KLHL13: variants seen among roughly 807,000 people sequenced by gnomAD.
KLHL13 encodes kelch-like protein 13.
Under a neutral mutation model 37.1 loss-of-function variants are expected in KLHL13, and 10 were observed. The ratio of observed to expected loss-of-function variants is 0.27; its 90% confidence interval spans 0.17 to 0.46. KLHL13 has a LOEUF of 0.46. KLHL13 is among the 20% of genes least tolerant of loss of function. KLHL13 has a pLI of 1.00. For synonymous variants in KLHL13, 163 were observed against 181.2 expected, an observed-to-expected ratio of 0.90 and a Z score of 0.81; for missense variants, 360 against 509.3, an observed-to-expected ratio of 0.71 and a Z score of 2.82.
At chrX:117,900,710 AC>A (rs1356798485) in intron 6 of KLHL13, among the ~76,000 whole-genome samples, 1 of 111,261 alleles carries the variant, frequency 9.0e-6, no homozygotes, top group Non-Finnish European at 1.9e-5. Context: ...GTGCCTTTAC[AC>A]CCTTGGTCTC....
intron 1 of KLHL13, among the ~76,000 whole-genome samples, chrX:118,090,226 T>C (rs2148148474): frequency 1.8e-5 from 2 of 111,067 alleles, no homozygotes; most frequent in East Asian, 5.6e-4. Context: ...GACATAGGCA[T>C]GGGCGAGGAC....
intron 1 of KLHL13, among the ~76,000 whole-genome samples, chrX:118,095,329 A>G (rs1363966875): frequency 3.6e-5 from 4 of 111,449 alleles, no homozygotes; most frequent in African/African-American, 9.8e-5. Flanking sequence ...TCAATTCAAC[A>G]AGAAGAGCTA....
chrX:117,899,634 A>G (rs1929963473), intron 6 of KLHL13, among the ~76,000 whole-genome samples: 1 of 112,225 alleles, frequency 8.9e-6, no homozygotes, highest in South Asian at 3.7e-4. Context: ...ACATTATTGC[A>G]ATGACTTTCT....
chrX:118,032,141 C>T (rs1319907134), intron 1 of KLHL13, among the ~76,000 whole-genome samples: 6 of 111,406 alleles, frequency 5.4e-5, no homozygotes, highest in Admixed American at 9.5e-5. Flanking sequence ...GATCAAACAA[C>T]AAGGCGGCAG....
intron 2 of KLHL13, among the ~76,000 whole-genome samples, chrX:117,922,049 C>T (rs965726158): frequency 9.0e-6 from 1 of 111,536 alleles, no homozygotes; most frequent in Non-Finnish European, 1.9e-5. Flanking sequence ...TTTTTATTTT[C>T]CATTACTAAT....
At chrX:118,015,031 T>C (rs1033273923) in intron 1 of KLHL13, among the ~76,000 whole-genome samples, 5 of 112,085 alleles carry the variant, frequency 4.5e-5, no homozygotes, top group African/African-American at 6.5e-5. Context: ...ATTACAAACA[T>C]TTTATTTAAT....
At position 118,083,628 on chromosome X, in the gene KLHL13, TTAGA is replaced by T. The variant is rs67561517; in HGVS notation, c.-56+32876_-56+32879del. ...GAGGTTGCTCAACAAAAAGTTACAG[TTAGA>T]TAGGAGGAATAAGTTCTGGTGTTCT... On this transcript the variant is annotated intron_variant, in intron 1 of 6. Transcript: ENST00000371882. Among the ~76,000 whole-genome samples the T allele has an allele frequency of 6.8e-3, 759 of 111,101 alleles. 7 individuals carry two copies. The highest frequency in any genetic ancestry group is 0.021 in the African/African-American group (654 of 30,571).
In KLHL13 at chrX:117,939,849, T is replaced by TA. The variant is rs1187544355; in HGVS notation, c.240+5584dup. Among the ~76,000 whole-genome samples, 4 of 112,130 alleles carry TA rather than the reference T, an allele frequency of 3.6e-5. No homozygotes were observed. The East Asian group carries it at 1.1e-3, about 31-fold the overall frequency. Reference sequence around the variant, plus strand: ...GTAGATTCTGGATATTAGCCCTTTGTATGATGGACAGATTGCAAAAATTTT... The same window carrying TA: ...GTAGATTCTGGATATTAGCCCTTTGTAATGATGGACAGATTGCAAAAATTTT... On this transcript the variant is annotated intron_variant, in intron 2 of 6. Transcript: ENST00000262820.
At chrX:118,062,752 C>A (rs767851537) in intron 1 of KLHL13, among the ~76,000 whole-genome samples, 2 of 110,837 alleles carry the variant, frequency 1.8e-5, no homozygotes, top group East Asian at 5.7e-4. Context: ...ACTAATTAAA[C>A]AAACTGCTAC....
At chrX:117,920,099 A>G (rs963588373) in intron 3 of KLHL13, 139 bp downstream of exon 4, 2 of 586,961 alleles carry the variant, frequency 3.4e-6, no homozygotes, top group Non-Finnish European at 5.3e-6. Context: ...AGCACCACCG[A>G]AAACCATACA....
At chrX:118,044,999 CATCT>C (rs746933008) in intron 1 of KLHL13, among the ~76,000 whole-genome samples, 7 of 111,835 alleles carry the variant, frequency 6.3e-5, no homozygotes, top group East Asian at 2.8e-4. Flanking sequence ...GTAAACCATC[CATCT>C]GACAAGTGAT....
chrX:117,910,039 C>T (rs758950986), exon 5 of KLHL13: 12 of 1,201,404 alleles, frequency 1.0e-5, no homozygotes, highest in Non-Finnish European at 1.3e-5. Context: ...TTATCCACTT[C>T]GGTTAGATTG....
At chrX:117,909,373 T>A in exon 5 of KLHL13, 1 of 1,210,695 alleles carries the variant, frequency 8.3e-7, no homozygotes, top group Non-Finnish European at 1.1e-6. Flanking sequence ...TGGAAGAAGG[T>A]GCGCTTTTCA....
At chrX:118,091,797 C>T (rs1315236374) in intron 1 of KLHL13, among the ~76,000 whole-genome samples, 1 of 110,931 alleles carries the variant, frequency 9.0e-6, no homozygotes. Context: ...CAAGAAAATC[C>T]ACTCTAGGAT....
exon 1 of KLHL13, chrX:117,973,149 C>T: frequency 1.1e-6 from 1 of 944,875 alleles, no homozygotes; most frequent in East Asian, 5.9e-5. Context: ...TTAATAAAAG[C>T]AGCCAGGCTT....
intron 1 of KLHL13, among the ~76,000 whole-genome samples, chrX:118,094,477 T>C (rs1602718845): frequency 1.8e-5 from 2 of 110,896 alleles, no homozygotes; most frequent in Non-Finnish European, 3.8e-5. Context: ...CAGGATATTA[T>C]CCAGGAGAAC....
chrX:117,929,837 C>T (rs1932306259), intron 2 of KLHL13, among the ~76,000 whole-genome samples: 1 of 101,101 alleles, frequency 9.9e-6, no homozygotes, highest in Non-Finnish European at 2.0e-5. Context: ...TGGTGGCACA[C>T]ACATATAGTC....
intron 1 of KLHL13, among the ~76,000 whole-genome samples, chrX:118,037,798 G>C (rs1174099146): frequency 8.9e-6 from 1 of 111,763 alleles, no homozygotes; most frequent in Non-Finnish European, 1.9e-5. Context: ...GGGGATGGAA[G>C]AGAGATAGAC....
chrX:117,937,694 AT>A lies in KLHL13; in HGVS notation c.240+7739del, dbSNP rs1365951509. 7.0e-3 allele frequency among the ~76,000 whole-genome samples: 785 copies of A among 112,112 alleles called. 7 individuals carry two copies. The highest frequency in any genetic ancestry group is 0.024 in the African/African-American group (756 of 30,901). ...TATAATTTTTCTACTGATAAAAAGG[AT>A]TATACAATACATATTGCCTTGTTAC... On this transcript the variant is annotated intron_variant, in intron 2 of 6. Coordinates refer to ENST00000262820, the Ensembl canonical transcript of KLHL13.
Sources: allele counts gnomAD v4.1 joint callset (sites outside exome capture counted in the v4.1 genomes callset), GRCh38; gene constraint gnomAD v4.1.1; transcripts MANE v1.5; gene names NCBI Gene and HGNC (gene_info 2026-07-23, HGNC 2026-07-21).